Variants in AKR1C8 observed in about 807,000 individuals in gnomAD.
The protein encoded by AKR1C8 is aldo-keto reductase family 1 member C-like protein 1.
At chr10:5,166,242 C>G in the AKR1C8 span, among the ~76,000 whole-genome samples, 18 of 152,008 alleles carry the variant, frequency 1.2e-4, no homozygotes, top group African/African-American at 4.3e-4. Context: ...AATGCCATCC[C>G]CATCAAGCTA....
the AKR1C8 span, among the ~76,000 whole-genome samples, chr10:5,179,785 A>G: frequency 6.6e-6 from 1 of 152,122 alleles, no homozygotes; most frequent in African/African-American, 2.4e-5. Flanking sequence ...AGGCTTCTGC[A>G]TTCTTCATGT....
chr10:5,170,320 G>A, the AKR1C8 span, among the ~76,000 whole-genome samples: 1 of 152,098 alleles, frequency 6.6e-6, no homozygotes, highest in African/African-American at 2.4e-5. Context: ...GTGTGCTATA[G>A]TTTTTGAAAC....
chr10:5,174,431 T>C, the AKR1C8 span, among the ~76,000 whole-genome samples: 1 of 152,052 alleles, frequency 6.6e-6, no homozygotes, highest in Non-Finnish European at 1.5e-5. Context: ...TACAAATGTC[T>C]TCAAGATATA....
the AKR1C8 span, among the ~76,000 whole-genome samples, chr10:5,120,434 T>C: frequency 3.2e-4 from 49 of 152,190 alleles, no homozygotes; most frequent in African/African-American, 1.2e-3. Flanking sequence ...GTTTGATTAC[T>C]TGTAGGAATT....
chr10:5,166,408 C>A, the AKR1C8 span, among the ~76,000 whole-genome samples: 5 of 152,144 alleles, frequency 3.3e-5, no homozygotes, highest in Admixed American at 3.3e-4. Context: ...CTACAGTACC[C>A]AAAACAGCAT....
At chr10:5,178,226 T>A in the AKR1C8 span, among the ~76,000 whole-genome samples, 2 of 152,222 alleles carry the variant, frequency 1.3e-5, no homozygotes, top group African/African-American at 4.8e-5. Context: ...TCTGCTTTCA[T>A]TTCGTTATGT....
the AKR1C8 span, among the ~76,000 whole-genome samples, chr10:5,128,219 A>G: frequency 0.39 from 59,602 of 151,940 alleles, 12,499 homozygotes; most frequent in Non-Finnish European, 0.43. Context: ...TCATTTTTAG[A>G]AAAACAAATG....
At chr10:5,170,516 T>C in the AKR1C8 span, among the ~76,000 whole-genome samples, 3 of 152,086 alleles carry the variant, frequency 2.0e-5, no homozygotes, top group African/African-American at 4.8e-5. Flanking sequence ...ATAAGGCCTT[T>C]TTAAAGCCAA....
At chr10:5,149,963 T>C in the AKR1C8 span, among the ~76,000 whole-genome samples, 4,804 of 152,220 alleles carry the variant, frequency 0.032, 257 homozygotes, top group African/African-American at 0.11. Flanking sequence ...AAGAATAAAG[T>C]CTTCTGGACT....
the AKR1C8 span, among the ~76,000 whole-genome samples, chr10:5,164,114 C>G: frequency 1.3e-5 from 2 of 152,084 alleles, no homozygotes; most frequent in Admixed American, 1.3e-4. Flanking sequence ...GGGCCAAGGT[C>G]CTTGGTCAAG....
chr10:5,160,808 A>T, the AKR1C8 span: 2 of 471,106 alleles, frequency 4.2e-6, no homozygotes, highest in Admixed American at 4.7e-5. Flanking sequence ...GCAGCAGAAC[A>T]TACCTCCCAA....
chr10:5,157,687 A>G, the AKR1C8 span: 2 of 471,784 alleles, frequency 4.2e-6, no homozygotes, highest in African/African-American at 4.0e-5. Flanking sequence ...CAGCACCACC[A>G]CTCCCCGCTG....
the AKR1C8 span, chr10:5,157,618 C>A: frequency 2.1e-6 from 1 of 468,600 alleles, no homozygotes; most frequent in Non-Finnish European, 4.4e-6. Flanking sequence ...TCTGGAGCGA[C>A]TCTGCTCAAC....
At chr10:5,182,222 A>G in the AKR1C8 span, among the ~76,000 whole-genome samples, 1 of 152,236 alleles carries the variant, frequency 6.6e-6, no homozygotes, top group Non-Finnish European at 1.5e-5. Flanking sequence ...AATTGCTTAC[A>G]TCAGTACAAT....
At chr10:5,115,903 C>T in the AKR1C8 span, among the ~76,000 whole-genome samples, 1 of 152,124 alleles carries the variant, frequency 6.6e-6, no homozygotes, top group Non-Finnish European at 1.5e-5. Flanking sequence ...CTCTTTTCTG[C>T]AGTTGGTCAC....
At chr10:5,137,384 C>A in the AKR1C8 span, among the ~76,000 whole-genome samples, 3 of 152,112 alleles carry the variant, frequency 2.0e-5, no homozygotes, top group Non-Finnish European at 4.4e-5. Context: ...AGCAGCACAT[C>A]AAAAAGCTTA....
At chr10:5,132,836 ATGACCCTC>A in the AKR1C8 span, 1 of 651,040 alleles carries the variant, frequency 1.5e-6, no homozygotes, top group African/African-American at 1.9e-5. Context: ...GGCACAAACA[ATGACCCTC>A]ACAAAAATCA....
the AKR1C8 span, among the ~76,000 whole-genome samples, chr10:5,171,562 TTTTAAA>T: frequency 1.3e-5 from 2 of 152,068 alleles, no homozygotes; most frequent in African/African-American, 2.4e-5. Flanking sequence ...GTGCTATTAA[TTTTAAA>T]TTTAATTTTT....
At chr10:5,156,935 AAAAT>A in the AKR1C8 span, among the ~76,000 whole-genome samples, 1 of 152,222 alleles carries the variant, frequency 6.6e-6, no homozygotes, top group Admixed American at 6.5e-5. Context: ...GATTCAAAAC[AAAAT>A]AAGTTGGAGA....
Sources: gnomAD v4.1 joint callset for allele counts (sites outside exome capture counted in the v4.1 genomes callset) on GRCh38, gnomAD v4.1.1 for gene constraint, MANE v1.5 for transcripts, NCBI Gene and HGNC (gene_info 2026-07-23, HGNC 2026-07-21) for gene names.